Variants in ANKRD50 observed in about 807,000 individuals in gnomAD.
The protein encoded by ANKRD50 is ankyrin repeat domain-containing protein 50.
ANKRD50 carries 40 observed loss-of-function variants against 112.0 expected under a neutral mutation model. That is an observed-to-expected ratio of 0.36 (90% CI 0.28 to 0.46). The LOEUF (loss-of-function observed/expected upper bound fraction) is 0.46, where lower values mean the gene tolerates loss of function less well. Among genes scored for constraint, ANKRD50 ranks in the 20% least tolerant of loss-of-function variants. ANKRD50 has a pLI of 1.00. For synonymous variants in ANKRD50, 613 were observed against 619.1 expected (o/e 0.99, Z 0.15); for missense variants, 1,487 against 1,701.7 (o/e 0.87, Z 2.22).
chr4:124,698,818 T>C (rs1355051271), intron 2 of ANKRD50, among the ~76,000 whole-genome samples: 6 of 152,292 alleles, frequency 3.9e-5, no homozygotes, highest in Non-Finnish European at 8.8e-5. Context: ...CTGTTTACAA[T>C]ATTGAATCCT....
At chr4:124,709,522 CA>C (rs1725582737) in intron 2 of ANKRD50, among the ~76,000 whole-genome samples, 1 of 151,842 alleles carries the variant, frequency 6.6e-6, no homozygotes, top group Non-Finnish European at 1.5e-5. Context: ...AACTCATCAG[CA>C]AATTTTCTTC....
chr4:124,683,592 T>C lies in ANKRD50; in HGVS notation c.513-4687A>G, dbSNP rs919460084. Among the ~76,000 whole-genome samples the C allele has an allele frequency of 3.0e-4, 45 of 151,800 alleles. 1 individual carries two copies. Among genetic ancestry groups the C allele is most frequent in the Non-Finnish European group, 1.0e-4 (7 of 67,878 alleles). On this transcript the variant is annotated intron_variant, in intron 2 of 4. Coordinates refer to ENST00000504087, the MANE Select transcript of ANKRD50 (RefSeq NM_020337.3). ...TACCATAAGGGCAATCATATTCACA[T>C]GTGCCTAGGAATCATATTTCTTTTT...
intron 2 of ANKRD50, among the ~76,000 whole-genome samples, chr4:124,679,704 A>G (rs1724831001): frequency 6.6e-6 from 1 of 152,230 alleles, no homozygotes; most frequent in Non-Finnish European, 1.5e-5. Context: ...AATGTGTTCT[A>G]AAAGTGTGTT....
Position 124,669,441 on chromosome 4 carries a change from G to C in ANKRD50, c.3836C>G (p.Ser1279Cys). 3.1e-6 allele frequency: 5 copies of C among 1,612,758 alleles called. No homozygotes were observed. The highest frequency in any genetic ancestry group is 4.2e-6 in the Non-Finnish European group (5 of 1,179,636). The change falls in exon 4 of 5, where the codon TCT becomes TGT. Residue 1279 changes from serine to cysteine, a missense_variant. Coordinates refer to ENST00000504087, the MANE Select transcript of ANKRD50 (RefSeq NM_020337.3). ...TTTCGCTTTTTTCCCAGCTGATCCA[G>C]ACTTGGCAGAATTTTCTGATTTCCC... is the stretch of plus-strand genomic sequence containing the variant. The part of the protein sequence containing the change: ...KGGKSENSAK[S>C]GSAGKKAKQS...
rs886701285 is a variant in ANKRD50 at position 124,666,583 on chromosome 4, G to A, written c.*935C>T. On this transcript the variant is annotated 3_prime_UTR_variant, in exon 5 of 5. Transcript: ENST00000504087. ...CAAAATTAATTTATTTAGCCAGGAG[G>A]AAGAGGTCAGTTTAGTCAATGAATT... The A allele has an allele frequency of 5.3e-5, 8 of 152,292 alleles. No individual in the cohort carries two copies. The highest frequency in any genetic ancestry group is 1.7e-4 in the African/African-American group (7 of 41,410). 9.4% of individuals were successfully genotyped at this position (152,292 alleles called of 1,614,324 possible).
chr4:124,687,452 T>C (rs1725034010), intron 2 of ANKRD50, among the ~76,000 whole-genome samples: 1 of 152,040 alleles, frequency 6.6e-6, no homozygotes. Flanking sequence ...AAAATCTTTG[T>C]AATACTGAGT....
At position 124,669,980 on chromosome 4, in the gene ANKRD50, T is replaced by G. The variant is rs1730595988; in HGVS notation, c.3297A>C (p.Lys1099Asn). The change falls in exon 4 of 5, where the codon AAA becomes AAC. Residue 1099 changes from lysine to asparagine, a missense_variant. Coordinates refer to ENST00000504087, the MANE Select transcript of ANKRD50 (RefSeq NM_020337.3). ...AGCCATTCAAACTAGATGCACCATA[T>G]TTTTCTAATAATTTAATTATCTGAG... ...GHSQIIKLLEKYGASSLNGCS... is the reference protein window; with the variant it reads ...GHSQIIKLLENYGASSLNGCS... 3 of 1,609,518 alleles carry G rather than the reference T, an allele frequency of 1.9e-6. No homozygotes were observed. Among genetic ancestry groups the G allele is most frequent in the African/African-American group, 1.3e-5 (1 of 74,624 alleles).
At chr4:124,703,273 T>G (rs924738392) in intron 2 of ANKRD50, among the ~76,000 whole-genome samples, 2 of 152,114 alleles carry the variant, frequency 1.3e-5, no homozygotes, top group Non-Finnish European at 2.9e-5. Flanking sequence ...CAGGCAATCA[T>G]GCATAAACAT....
intron 2 of ANKRD50, among the ~76,000 whole-genome samples, chr4:124,697,246 G>C (rs767621483): frequency 2.6e-5 from 4 of 152,112 alleles, no homozygotes; most frequent in Non-Finnish European, 5.9e-5. Context: ...AGATACAGTT[G>C]ATAATTAAGG....
chr4:124,689,350 G>A (rs1651528609), intron 2 of ANKRD50, among the ~76,000 whole-genome samples: 1 of 152,120 alleles, frequency 6.6e-6, no homozygotes, highest in South Asian at 2.1e-4. Flanking sequence ...CTTGCACTCA[G>A]CTCCTAGGTG....
intron 2 of ANKRD50, among the ~76,000 whole-genome samples, chr4:124,683,317 T>C (rs911066473): frequency 2.0e-5 from 3 of 151,458 alleles, no homozygotes; most frequent in Non-Finnish European, 4.4e-5. Context: ...ATATACTATA[T>C]AATAGTTGTA....
chr4:124,672,100 A>G lies in ANKRD50; in HGVS notation c.1177T>C (p.Ser393Pro). The G allele has an allele frequency of 6.2e-7, 1 of 1,613,934 alleles. No individual in the cohort carries two copies. Among genetic ancestry groups the G allele is most frequent in the East Asian group, 2.2e-5 (1 of 44,868 alleles). ...CCTAGTCCATCAACAAGAAGTTTGGAGAGGATATCTAACTTGCGTTGAAAA... is the reference window on the plus strand; with the variant it reads ...CCTAGTCCATCAACAAGAAGTTTGGGGAGGATATCTAACTTGCGTTGAAAA... ...EDFQRKLDIL[S>P]KLLVDGLGNT... is the part of the protein sequence containing the mutation. Residue 393 changes from serine (S) to proline (P), a missense_variant, in exon 4 of 5, where the codon TCC becomes CCC. Physicochemically the swap from Ser to Pro is moderately conservative, Grantham distance 74. Coordinates refer to ENST00000504087, the MANE Select transcript of ANKRD50 (RefSeq NM_020337.3).
intron 2 of ANKRD50, among the ~76,000 whole-genome samples, chr4:124,708,570 AAAACCACACTC>A (rs1725556501): frequency 6.6e-6 from 1 of 151,922 alleles, no homozygotes; most frequent in South Asian, 2.1e-4. Flanking sequence ...GGGTAATCTG[AAAACCACACTC>A]AAACCACACT....
chr4:124,699,894 G>A lies in ANKRD50; in HGVS notation c.512+10106C>T, dbSNP rs1560830536. Among the ~76,000 whole-genome samples, 3 of 151,744 alleles carry A rather than the reference G, an allele frequency of 2.0e-5. No individual in the cohort carries two copies. In the South Asian group the frequency reaches 6.2e-4, roughly 31 times the overall value. On this transcript the variant is annotated intron_variant, in intron 2 of 4. Coordinates refer to ENST00000504087, the MANE Select transcript of ANKRD50 (RefSeq NM_020337.3). ...AAAATATAAATATTCATTAATTCAA[G>A]AAATAATTACTAAGTTCCTACTGTA...
At chr4:124,707,288 GCCTAAATAAAATACGTT>G (rs936590662) in intron 2 of ANKRD50, among the ~76,000 whole-genome samples, 2 of 151,846 alleles carry the variant, frequency 1.3e-5, no homozygotes, top group African/African-American at 2.4e-5. Context: ...ATCTATCCAT[GCCTAAATAAAATACGTT>G]CCTATTAAAA....
chr4:124,676,299 T>C (rs1730772310), intron 3 of ANKRD50, among the ~76,000 whole-genome samples: 1 of 151,728 alleles, frequency 6.6e-6, no homozygotes, highest in Non-Finnish European at 1.5e-5. Context: ...ACAGTTATAA[T>C]TTAAAATATG....
intron 2 of ANKRD50, among the ~76,000 whole-genome samples, chr4:124,691,565 A>G (rs1361044520): frequency 6.6e-6 from 1 of 150,870 alleles, no homozygotes; most frequent in Non-Finnish European, 1.5e-5. Flanking sequence ...TGAAGATACT[A>G]AAGTTCAATA....
rs1156881498 is a variant in ANKRD50, at chr4:124,665,882, T to C, written c.*1636A>G. The stretch of plus-strand genomic sequence containing the variant: ...CAATAAGATTCAAGTGAAACATTTA[T>C]CATAATTATACATTTCTATTTCCAC... On this transcript the variant is annotated 3_prime_UTR_variant, in exon 5 of 5. Transcript: ENST00000504087. The C allele has an allele frequency of 6.6e-6, 1 of 152,340 alleles. No homozygotes were observed. The highest frequency in any genetic ancestry group is 1.5e-5 in the Non-Finnish European group (1 of 67,922). The allele number at this position is 152,340 out of a possible 1,614,324, so 9.4% of individuals were successfully genotyped here. A position where few individuals can be genotyped will look rare whatever the true frequency, so the allele number is the denominator to read the frequency against.
At chr4:124,699,953 G>T (rs1725351405) in intron 2 of ANKRD50, among the ~76,000 whole-genome samples, 1 of 152,010 alleles carries the variant, frequency 6.6e-6, no homozygotes, top group African/African-American at 2.4e-5. Flanking sequence ...GACAAGAAAA[G>T]CAAATACTCT....
Sources: allele counts gnomAD v4.1 joint callset (sites outside exome capture counted in the v4.1 genomes callset), GRCh38; gene constraint gnomAD v4.1.1; transcripts MANE v1.5; gene names NCBI Gene and HGNC (gene_info 2026-07-23, HGNC 2026-07-21).